The following DNAJC11 variants were observed in gnomAD, a reference collection of about 807,000 sequenced individuals.
DNAJC11 encodes the protein DnaJ heat shock protein family (Hsp40) member C11, also known as dnaJ homolog subfamily C member 11.
A neutral mutation model predicts 78.6 loss-of-function variants in DNAJC11; 15 were observed. The observed-to-expected ratio is 0.19, with a 90% CI of 0.13 to 0.29. DNAJC11 has a LOEUF of 0.29. DNAJC11 is among the 10% of genes least tolerant of loss of function. The probability of loss-of-function intolerance (pLI) is 1.00; values close to 1 mark genes in which losing one functional copy is unlikely to be tolerated. For missense variants in DNAJC11, 547 were observed against 709.6 expected (o/e 0.77, Z 2.60); for synonymous variants, 292 against 272.1 (o/e 1.07, Z -0.72).
At chr1:6,650,877 A>T (rs1442600149) in intron 7 of DNAJC11, 1 of 299,854 alleles carries the variant, frequency 3.3e-6, no homozygotes, top group Admixed American at 4.1e-5. Context: ...CCTGTCTCCA[A>T]AATAAATAAA....
At chr1:6,650,530 C>T (rs1287378139) in intron 7 of DNAJC11, among the ~76,000 whole-genome samples, 1 of 152,086 alleles carries the variant, frequency 6.6e-6, no homozygotes, top group African/African-American at 2.4e-5. Flanking sequence ...CGGACTATTG[C>T]ACTCTAGCCT....
At chr1:6,637,656 C>T (rs1403051840) in intron 12 of DNAJC11, 152 bp from the exon 13 acceptor site, 10 of 808,508 alleles carry the variant, frequency 1.2e-5, no homozygotes, top group East Asian at 5.3e-5. Flanking sequence ...CTCTGCTACC[C>T]GAGTGGCTCA....
intron 4 of DNAJC11, among the ~76,000 whole-genome samples, chr1:6,654,752 A>G (rs933807596): frequency 1.9e-4 from 29 of 150,932 alleles, no homozygotes; most frequent in Admixed American, 6.6e-4. Flanking sequence ...TTTGCAGCCC[A>G]TTGAAACAAT....
chr1:6,676,379 C>T (rs577052450), intron 3 of DNAJC11, among the ~76,000 whole-genome samples: 58 of 152,226 alleles, frequency 3.8e-4, no homozygotes, highest in African/African-American at 1.4e-3. Context: ...CTGTGTGAGG[C>T]AATCAAAAAA....
intron 4 of DNAJC11, among the ~76,000 whole-genome samples, chr1:6,657,849 G>A (rs1204550903): frequency 1.3e-5 from 2 of 152,208 alleles, no homozygotes; most frequent in African/African-American, 4.8e-5. Context: ...GTTTCACCGT[G>A]TTAGCCAGGA....
chr1:6,637,782 T>A, intron 12 of DNAJC11: 1 of 545,650 alleles, frequency 1.8e-6, no homozygotes, highest in Non-Finnish European at 3.3e-6. Context: ...GGATCATTAA[T>A]GCGTGGGTGG....
intron 3 of DNAJC11, among the ~76,000 whole-genome samples, chr1:6,672,157 G>A (rs934270529): frequency 1.3e-5 from 2 of 152,148 alleles, no homozygotes; most frequent in African/African-American, 2.4e-5. Context: ...TTATAATTGA[G>A]TGTTCTATTC....
intron 4 of DNAJC11, among the ~76,000 whole-genome samples, chr1:6,655,288 T>C (rs1642110308): frequency 6.6e-6 from 1 of 152,180 alleles, no homozygotes; most frequent in Admixed American, 6.5e-5. Flanking sequence ...AGTATAGTGT[T>C]ATGGTAAAAA....
chr1:6,698,520 C>T (rs375702531), intron 1 of DNAJC11, among the ~76,000 whole-genome samples: 2 of 151,012 alleles, frequency 1.3e-5, no homozygotes, highest in Admixed American at 6.6e-5. Flanking sequence ...AGTTTGCTGA[C>T]GAAGACAACA....
rs879363282 is a variant in DNAJC11 at position 6,674,727 on chromosome 1, C to CA, written c.276+3666dup. Reference sequence around the variant, plus strand: ...TGGGTGACAAAGTGAGACTCTGTCTCAAAAAAAAAAAAGTCTGAAAATTTA... The same window carrying CA: ...TGGGTGACAAAGTGAGACTCTGTCTCAAAAAAAAAAAAAGTCTGAAAATTTA... On this transcript the variant is annotated intron_variant, in intron 3 of 15. Coordinates refer to ENST00000377577, the MANE Select transcript of DNAJC11 (RefSeq NM_018198.4). Among the ~76,000 whole-genome samples the CA allele has an allele frequency of 4.0e-4, 55 of 136,262 alleles. 1 individual carries two copies. The East Asian group carries it at 4.8e-3, about 12-fold the overall frequency. The allele number at this position is 136,262 out of a possible 152,430, so 89.4% of individuals were successfully genotyped here.
At chr1:6,636,276 C>T (rs924564790) in intron 14 of DNAJC11, 30 bp from the exon 15 acceptor site, 3 of 1,611,880 alleles carry the variant, frequency 1.9e-6, no homozygotes, top group African/African-American at 2.7e-5. Flanking sequence ...ACTCTCAATA[C>T]TCCAGACGGT....
intron 1 of DNAJC11, among the ~76,000 whole-genome samples, chr1:6,698,579 G>A (rs1033744288): frequency 6.6e-6 from 1 of 151,022 alleles, no homozygotes; most frequent in Non-Finnish European, 1.5e-5. Context: ...TTAACCTATA[G>A]CCATATAGCC....
intron 4 of DNAJC11, among the ~76,000 whole-genome samples, chr1:6,660,926 T>C (rs1261318750): frequency 6.6e-6 from 1 of 152,260 alleles, no homozygotes; most frequent in African/African-American, 2.4e-5. Context: ...GATGTATTTG[T>C]ACTCGTTGAG....
At chr1:6,661,921 T>A (rs577449426) in intron 4 of DNAJC11, among the ~76,000 whole-genome samples, 1 of 152,198 alleles carries the variant, frequency 6.6e-6, no homozygotes, top group African/African-American at 2.4e-5. Context: ...AATATTTTTA[T>A]GGTTACATGC....
chr1:6,648,303 C>T (rs1196017491), intron 7 of DNAJC11, among the ~76,000 whole-genome samples: 1 of 151,994 alleles, frequency 6.6e-6, no homozygotes, highest in East Asian at 1.9e-4. Context: ...TTACAGGTGC[C>T]CACCACCACG....
rs940541581 is a variant in DNAJC11, at chr1:6,651,977, C to T, written c.631-375G>A. On this transcript the variant is annotated intron_variant, in intron 6 of 15. Coordinates refer to ENST00000377577, the MANE Select transcript of DNAJC11 (RefSeq NM_018198.4). ...ACCGACTGCGGTCCGGTGTGCCCCC[C>T]ACCCCCGCATGCACTGCCGACTCCT... Among the ~76,000 whole-genome samples the T allele has an allele frequency of 4.6e-5, 7 of 151,992 alleles. No individual in the cohort carries two copies. In the East Asian group the frequency reaches 1.2e-3, roughly 25 times the overall value.
Position 6,638,303 on chromosome 1 carries a change from C to A in DNAJC11, c.1315G>T (p.Glu439Ter). Residue 439 changes from glutamate (E) to a stop codon, truncating the protein, a stop_gained, in exon 12 of 16, where the codon GAG (glutamate) becomes TAG (stop). Transcript: ENST00000377577. LOFTEE classifies it high-confidence loss of function. ...GGTGGGGCAGCACTCACAGCGGACT[C>A]CGCCTCTTGCTTCTTCTGCAGCACA... ...TDVLQKKQEA[E>*]SAVRLMQESV... 1 of 1,613,300 alleles carries A rather than the reference C, an allele frequency of 6.2e-7. No individual in the cohort carries two copies. The highest frequency in any genetic ancestry group is 8.5e-7 in the Non-Finnish European group (1 of 1,179,464).
At position 6,640,071 on chromosome 1, in the gene DNAJC11, CAAA is replaced by C. The variant is rs56145914; in HGVS notation, c.1098-17_1098-15del. 1,340 of 1,212,668 alleles carry C rather than the reference CAAA, an allele frequency of 1.1e-3. No individual in the cohort carries two copies. The highest frequency in any genetic ancestry group is 3.0e-3 in the Admixed American group (67 of 22,464). 75.1% of individuals were successfully genotyped at this position (1,212,668 alleles called of 1,614,324 possible). On this transcript the variant is annotated splice_polypyrimidine_tract_variant and intron_variant, in intron 10 of 15. Coordinates refer to ENST00000377577, the MANE Select transcript of DNAJC11 (RefSeq NM_018198.4). ...GCCCTGTTGAGCCTGGGGAAAAATA[CAAA>C]AAAAAAAAAAAAAAAGCCAAGATGA...
At chr1:6,662,137 T>TG (rs1443488238) in intron 4 of DNAJC11, among the ~76,000 whole-genome samples, 6 of 147,876 alleles carry the variant, frequency 4.1e-5, no homozygotes, top group East Asian at 2.0e-4. Context: ...TGTTTTTTGT[T>TG]TTTTTTTTTT....
Sources: gnomAD v4.1 joint callset for allele counts (sites outside exome capture counted in the v4.1 genomes callset) on GRCh38, gnomAD v4.1.1 for gene constraint, MANE v1.5 for transcripts, NCBI Gene and HGNC (gene_info 2026-07-23, HGNC 2026-07-21) for gene names.